The following TENM2 variants were observed in gnomAD, a reference collection of about 807,000 sequenced individuals.
TENM2 encodes the protein teneurin-2.
Under a neutral mutation model 245.2 loss-of-function variants are expected in TENM2, and 52 were observed. The ratio of observed to expected loss-of-function variants is 0.21; its 90% CI spans 0.17 to 0.27. The LOEUF (loss-of-function observed/expected upper bound fraction) is 0.27. Ranked by LOEUF, TENM2 falls within the 10% of genes least tolerant of loss-of-function variation. TENM2 has a pLI of 1.00. For missense variants in TENM2, 3,046 were observed against 3,666.8 expected (o/e 0.83, Z 4.37); for synonymous variants, 1,363 against 1,438.9 (o/e 0.95, Z 1.19).
intron 2 of TENM2, among the ~76,000 whole-genome samples, chr5:167,470,184 C>T (rs1313035341): frequency 1.3e-5 from 2 of 151,950 alleles, no homozygotes; most frequent in Non-Finnish European, 1.5e-5. Context: ...CATAATGAAG[C>T]TTTAATAAGC....
Position 167,735,224 on chromosome 5 carries a change from T to C in TENM2, c.503-140762T>C, listed in dbSNP as rs1381344490. Among the ~76,000 whole-genome samples, 8 of 152,322 alleles carry C rather than the reference T, an allele frequency of 5.3e-5. No individual in the cohort carries two copies. The South Asian group carries it at 1.7e-3, about 32-fold the overall frequency. On this transcript the variant is annotated intron_variant, in intron 2 of 28. Transcript: ENST00000518659. ...TGCTATAACAAATCATTCCCACTGA[T>C]TCCCATGTTGAAGTCTGAAAATTTA... is the stretch of plus-strand genomic sequence containing the variant.
rs1767938345 is a variant in TENM2, at chr5:167,825,936, T to G, written c.503-50050T>G. Among the ~76,000 whole-genome samples the G allele has an allele frequency of 3.3e-5, 5 of 152,032 alleles. No individual in the cohort carries two copies. In the South Asian group the frequency reaches 1.0e-3, roughly 32 times the overall value. On this transcript the variant is annotated intron_variant, in intron 2 of 28. Coordinates refer to ENST00000518659, the Ensembl canonical transcript of TENM2. ...ATCTCCACAGACCATTCCCACATTC[T>G]GGGTGTTCCCTGAGCTCCTGTGCTC...
chr5:167,835,344 G>A (rs1561836338), intron 2 of TENM2, among the ~76,000 whole-genome samples: 2 of 152,204 alleles, frequency 1.3e-5, no homozygotes, highest in Non-Finnish European at 2.9e-5. Context: ...TGATGTTGCA[G>A]CAAAGATTTC....
At chr5:167,110,565 A>G in the TENM2 span, among the ~76,000 whole-genome samples, 1 of 152,248 alleles carries the variant, frequency 6.6e-6, no homozygotes, top group Non-Finnish European at 1.5e-5. Flanking sequence ...TAGCATATGT[A>G]TTCCTAGAAT....
chr5:167,908,613 C>T (rs373155723), intron 3 of TENM2, among the ~76,000 whole-genome samples: 13 of 64,850 alleles, frequency 2.0e-4, no homozygotes, highest in African/African-American at 5.7e-4. Context: ...TTTCCTCTCT[C>T]CTCCTCTCCC....
At chr5:167,495,050 A>G (rs1317161048) in intron 2 of TENM2, among the ~76,000 whole-genome samples, 1 of 152,084 alleles carries the variant, frequency 6.6e-6, no homozygotes, top group African/African-American at 2.4e-5. Flanking sequence ...TAAAGTTTTT[A>G]TTGTAATAAT....
chr5:168,250,140 A>AG (rs1280670503), intron 27 of TENM2, among the ~76,000 whole-genome samples: 1 of 150,360 alleles, frequency 6.7e-6, no homozygotes, highest in East Asian at 2.0e-4. Context: ...GGATGGATGG[A>AG]TGGATGGATG....
intron 2 of TENM2, among the ~76,000 whole-genome samples, chr5:167,607,859 A>G (rs1777169126): frequency 6.6e-6 from 1 of 152,206 alleles, no homozygotes; most frequent in African/African-American, 2.4e-5. Context: ...ATCGTGGAAT[A>G]CAGAATGAAG....
chr5:167,222,525 A>G, the TENM2 span, among the ~76,000 whole-genome samples: 1 of 152,228 alleles, frequency 6.6e-6, no homozygotes, highest in Non-Finnish European at 1.5e-5. Flanking sequence ...AGATACAATG[A>G]CTTAGAGGAG....
rs565693751 is a variant in TENM2, at chr5:167,465,314, GT to G, written c.502+89845del. Among the ~76,000 whole-genome samples, 652 of 152,166 alleles carry G rather than the reference GT, an allele frequency of 4.3e-3. 7 individuals are homozygous for G. The highest frequency in any genetic ancestry group is 0.015 in the African/African-American group (615 of 41,514). ...ATTAAAGATGAATGTATCTTATTTT[GT>G]TTTGTTAAAACAATCAACAGCTCAC... On this transcript the variant is annotated intron_variant, in intron 2 of 28. Coordinates refer to ENST00000518659, the Ensembl canonical transcript of TENM2.
chr5:167,163,605 C>T, the TENM2 span, among the ~76,000 whole-genome samples: 2 of 152,138 alleles, frequency 1.3e-5, no homozygotes, highest in Non-Finnish European at 2.9e-5. Flanking sequence ...GGTTTTAACA[C>T]TTTCACCAGG....
the TENM2 span, among the ~76,000 whole-genome samples, chr5:167,108,194 C>T: frequency 6.6e-6 from 1 of 150,806 alleles, no homozygotes; most frequent in African/African-American, 2.4e-5. Flanking sequence ...GGTGCAATCT[C>T]GACTCACTGC....
the TENM2 span, among the ~76,000 whole-genome samples, chr5:167,279,159 G>T: frequency 1.3e-5 from 2 of 152,086 alleles, no homozygotes; most frequent in African/African-American, 4.8e-5. Context: ...CAGATCATTT[G>T]CCCCTATCGA....
intron 8 of TENM2, among the ~76,000 whole-genome samples, chr5:168,095,846 A>C (rs1793321793): frequency 6.6e-6 from 1 of 152,166 alleles, no homozygotes; most frequent in South Asian, 2.1e-4. Flanking sequence ...GGTCAGAGAC[A>C]AGGGACTTTA....
At chr5:168,084,182 C>T (rs1308941404) in intron 7 of TENM2, among the ~76,000 whole-genome samples, 2 of 152,180 alleles carry the variant, frequency 1.3e-5, no homozygotes, top group Non-Finnish European at 1.5e-5. Flanking sequence ...TAGGTTGATC[C>T]CATCTTTACT....
At chr5:167,624,770 A>G (rs1582577730) in intron 2 of TENM2, among the ~76,000 whole-genome samples, 1 of 152,142 alleles carries the variant, frequency 6.6e-6, no homozygotes, top group African/African-American at 2.4e-5. Flanking sequence ...AACAAGAACT[A>G]ATTTTGTTCT....
At chr5:167,964,877 A>T (rs2337032) in intron 4 of TENM2, among the ~76,000 whole-genome samples, 42,971 of 152,092 alleles carry the variant, frequency 0.28, 6,218 homozygotes, top group South Asian at 0.35. Flanking sequence ...CCTCGAGAAC[A>T]ATTAAAAGTC....
chr5:167,385,195 T>G (rs760475120), intron 2 of TENM2, among the ~76,000 whole-genome samples: 27 of 152,172 alleles, frequency 1.8e-4, no homozygotes, highest in Admixed American at 7.2e-4. Context: ...CTATTCCAGG[T>G]TGATTAATAG....
At chr5:168,034,475 T>TA (rs1323121813) in intron 5 of TENM2, among the ~76,000 whole-genome samples, 1 of 151,992 alleles carries the variant, frequency 6.6e-6, no homozygotes, top group Non-Finnish European at 1.5e-5. Flanking sequence ...CTCATACTTG[T>TA]AATCCCAGGA....
Sources: gnomAD v4.1 joint callset for allele counts (sites outside exome capture counted in the v4.1 genomes callset) on GRCh38, gnomAD v4.1.1 for gene constraint, MANE v1.5 for transcripts, NCBI Gene and HGNC (gene_info 2026-07-23, HGNC 2026-07-21) for gene names.